Variants in SOS1 observed in about 807,000 individuals in gnomAD.
SOS1 encodes the protein son of sevenless homolog 1.
In SOS1, 25 loss-of-function variants were observed where a neutral mutation model predicts 157.6. The observed-to-expected ratio is 0.16, with a 90% confidence interval of 0.12 to 0.22. SOS1 has a LOEUF of 0.22. SOS1 is among the 10% of genes least tolerant of loss of function. The pLI, the probability that SOS1 is intolerant of heterozygous loss-of-function variation, is 1.00. For synonymous variants in SOS1, 528 were observed against 534.0 expected, an observed-to-expected ratio of 0.99 and a Z score of 0.16; for missense variants, 1,237 against 1,599.1, an observed-to-expected ratio of 0.77 and a Z score of 3.86.
intron 1 of SOS1, among the ~76,000 whole-genome samples, chr2:39,080,274 C>A (rs781082793): frequency 6.6e-6 from 1 of 151,994 alleles, no homozygotes; most frequent in Non-Finnish European, 1.5e-5. Flanking sequence ...CAGTTCACAA[C>A]AGGCTCCTGA....
intron 10 of SOS1, among the ~76,000 whole-genome samples, chr2:39,019,442 G>A (rs1669726539): frequency 1.3e-5 from 2 of 151,626 alleles, no homozygotes; most frequent in African/African-American, 2.4e-5. Context: ...TTAGGATAAG[G>A]AAATAGTCTC....
intron 17 of SOS1, among the ~76,000 whole-genome samples, chr2:38,999,783 T>A (rs573191503): frequency 1.3e-5 from 2 of 152,300 alleles, no homozygotes; most frequent in African/African-American, 4.8e-5. Flanking sequence ...GGCCCATCTG[T>A]GAAGAGTTTG....
chr2:39,020,804 C>A (rs1442395452), intron 10 of SOS1, among the ~76,000 whole-genome samples: 2 of 151,590 alleles, frequency 1.3e-5, no homozygotes, highest in Non-Finnish European at 3.0e-5. Flanking sequence ...CCACAACTCA[C>A]GAAAGCTGCT....
Position 38,985,876 on chromosome 2 carries a change from G to T in SOS1, c.3950C>A (p.Pro1317Gln). The T allele has an allele frequency of 6.2e-7, 1 of 1,613,908 alleles. No individual in the cohort carries two copies. Among genetic ancestry groups the T allele is most frequent in the South Asian group, 1.1e-5 (1 of 91,068 alleles). The change falls in exon 23 of 23, where the codon CCA becomes CAA. Residue 1317 changes from proline (P) to glutamine (Q), a missense_variant. Physicochemically the swap from Pro to Gln is moderately conservative, Grantham distance 76. Transcript: ENST00000402219. ...TGGTGGTCCATCTCTGTGCATGGAT[G>T]GGTGTGTGTGCTCCCTTTTGTAAGT... is the stretch of plus-strand genomic sequence containing the variant. ...PKTYKREHTH[P>Q]SMHRDGPPLL...
intron 1 of SOS1, among the ~76,000 whole-genome samples, chr2:39,106,082 T>C (rs1393007377): frequency 1.3e-5 from 2 of 151,768 alleles, no homozygotes; most frequent in Admixed American, 1.3e-4. Flanking sequence ...TAGCCGCGCA[T>C]GGTGGTACGT....
intron 1 of SOS1, among the ~76,000 whole-genome samples, chr2:39,110,022 A>G (rs865826355): frequency 4.2e-5 from 6 of 141,220 alleles, no homozygotes; most frequent in African/African-American, 1.5e-4. Flanking sequence ...AGATACAGAT[A>G]CAGTTGTGTG....
chr2:39,118,922 T>C (rs141407982), intron 1 of SOS1, among the ~76,000 whole-genome samples: 11 of 152,228 alleles, frequency 7.2e-5, no homozygotes, highest in Non-Finnish European at 1.5e-4. Context: ...CCTCAGCTGA[T>C]ACCTTGGTGA....
intron 17 of SOS1, 28 bp downstream of exon 17, chr2:39,006,384 C>G (rs936438763): frequency 5.9e-6 from 6 of 1,014,202 alleles, no homozygotes; most frequent in Admixed American, 1.7e-5. Flanking sequence ...TCCAGAAATG[C>G]AATAAAAATT....
At chr2:39,057,011 T>C (rs184356893) in intron 3 of SOS1, 145 bp from the exon 4 acceptor site, 1 of 672,248 alleles carries the variant, frequency 1.5e-6, no homozygotes, top group Admixed American at 2.5e-5. Flanking sequence ...TTGTAAGTGG[T>C]TCAACAATGA....
upstream of SOS1, chr2:39,121,157 C>G (rs113095722): frequency 2.6e-5 from 4 of 152,932 alleles, no homozygotes; most frequent in Non-Finnish European, 5.8e-5. Flanking sequence ...GGGAGGGCGC[C>G]CGGCCGGGCT....
At chr2:39,061,078 G>C (rs929975761) in intron 2 of SOS1, among the ~76,000 whole-genome samples, 2 of 151,944 alleles carry the variant, frequency 1.3e-5, no homozygotes, top group Non-Finnish European at 2.9e-5. Context: ...TTTGAGGAAG[G>C]AAAGAAGAGG....
intron 1 of SOS1, among the ~76,000 whole-genome samples, chr2:39,106,103 C>T (rs1673166970): frequency 1.3e-5 from 2 of 151,594 alleles, no homozygotes; most frequent in East Asian, 1.9e-4. Context: ...GCCTGTGGTC[C>T]CAGCTACTTC....
At chr2:39,110,448 T>C (rs976763262) in intron 1 of SOS1, among the ~76,000 whole-genome samples, 1 of 151,086 alleles carries the variant, frequency 6.6e-6, no homozygotes, top group Non-Finnish European at 1.5e-5. Context: ...GTAATTTTCA[T>C]AAAAATATCA....
intron 17 of SOS1, among the ~76,000 whole-genome samples, chr2:39,000,330 C>G (rs934374903): frequency 2.0e-5 from 3 of 152,126 alleles, no homozygotes; most frequent in African/African-American, 7.2e-5. Flanking sequence ...CTCGCTTTCT[C>G]CCTATATACA....
At chr2:39,050,499 T>G (rs909681028) in intron 6 of SOS1, among the ~76,000 whole-genome samples, 4 of 152,204 alleles carry the variant, frequency 2.6e-5, no homozygotes, top group South Asian at 4.1e-4. Flanking sequence ...GATTACAGAT[T>G]GAGTATCTCT....
In SOS1 at chr2:39,034,030, C is replaced by G. The variant is rs374713939; in HGVS notation, c.1074+1182G>C. Among the ~76,000 whole-genome samples, 7 of 152,188 alleles carry G rather than the reference C, an allele frequency of 4.6e-5. No individual in the cohort carries two copies. The East Asian group carries it at 9.7e-4, about 21-fold the overall frequency. On this transcript the variant is annotated intron_variant, in intron 8 of 22. Transcript: ENST00000402219. ...TAACTATAGTTAGTAATAATGAATT[C>G]TTTCTAAAGATTTTACATACTAAAT...
upstream of SOS1, among the ~76,000 whole-genome samples, chr2:39,124,757 T>C (rs1308842283): frequency 6.6e-6 from 1 of 152,224 alleles, no homozygotes; most frequent in Non-Finnish European, 1.5e-5. Context: ...CCGCTACTTA[T>C]CTTTCTAGCT....
chr2:38,989,566 G>A (rs967494573), intron 20 of SOS1, among the ~76,000 whole-genome samples: 3 of 151,626 alleles, frequency 2.0e-5, no homozygotes, highest in South Asian at 2.1e-4. Context: ...TAAAAAAATC[G>A]TATATTACTG....
chr2:38,988,066 C>G (rs1404274992), intron 21 of SOS1, among the ~76,000 whole-genome samples: 2 of 152,132 alleles, frequency 1.3e-5, no homozygotes, highest in African/African-American at 4.8e-5. Flanking sequence ...ATGTCTCTCC[C>G]TAGCATTTCT....
Sources: allele counts gnomAD v4.1 joint callset (sites outside exome capture counted in the v4.1 genomes callset), GRCh38; gene constraint gnomAD v4.1.1; transcripts MANE v1.5; gene names NCBI Gene and HGNC (gene_info 2026-07-23, HGNC 2026-07-21).